Variants in CA10 observed in about 807,000 individuals in gnomAD.
CA10 encodes the protein carbonic anhydrase 10 (inactive), also known as carbonic anhydrase-related protein 10.
A neutral mutation model predicts 44.2 loss-of-function variants in CA10; 14 were observed. That is an observed-to-expected ratio of 0.32 (90% CI 0.21 to 0.50). The LOEUF (loss-of-function observed/expected upper bound fraction) is 0.50, where lower values mean the gene tolerates loss of function less well. Ranked by LOEUF, CA10 falls within the 20% of genes least tolerant of loss-of-function variation. The probability of loss-of-function intolerance (pLI) is 0.99; values close to 1 mark genes in which losing one functional copy is unlikely to be tolerated. For synonymous variants in CA10, 159 were observed against 141.6 expected, an observed-to-expected ratio of 1.12 and a Z score of -0.87; for missense variants, 350 against 409.7, an observed-to-expected ratio of 0.85 and a Z score of 1.26.
At chr17:52,007,800 G>A (rs1444640441) in intron 2 of CA10, among the ~76,000 whole-genome samples, 1 of 151,144 alleles carries the variant, frequency 6.6e-6, no homozygotes, top group East Asian at 1.9e-4. Flanking sequence ...AAACAGTTTG[G>A]ACTATATATG....
intron 2 of CA10, among the ~76,000 whole-genome samples, chr17:52,069,473 AAAC>A (rs1377662094): frequency 6.6e-6 from 1 of 152,206 alleles, no homozygotes. Context: ...TTGAGCAGGT[AAAC>A]AACATCTGTT....
intron 1 of CA10, among the ~76,000 whole-genome samples, chr17:52,099,255 C>T (rs1217635540): frequency 6.6e-6 from 1 of 152,064 alleles, no homozygotes; most frequent in African/African-American, 2.4e-5. Flanking sequence ...AGTAAACTGC[C>T]TGGAGCATAA....
chr17:51,802,277 T>C (rs973136380), intron 3 of CA10, among the ~76,000 whole-genome samples: 8 of 152,188 alleles, frequency 5.3e-5, no homozygotes, highest in Admixed American at 2.0e-4. Flanking sequence ...CTGGTTTCCA[T>C]CCTGGTTCTG....
At chr17:52,053,877 C>T (rs986300743) in intron 2 of CA10, among the ~76,000 whole-genome samples, 1 of 152,110 alleles carries the variant, frequency 6.6e-6, no homozygotes, top group African/African-American at 2.4e-5. Context: ...CTTATCACTT[C>T]CCCAATCAAT....
At chr17:51,901,647 C>G (rs570207053) in intron 3 of CA10, among the ~76,000 whole-genome samples, 3 of 152,050 alleles carry the variant, frequency 2.0e-5, no homozygotes, top group Non-Finnish European at 4.4e-5. Context: ...TTAAAGGACT[C>G]TCAGTCTGGA....
At chr17:51,715,482 T>C (rs1385727216) in intron 4 of CA10, among the ~76,000 whole-genome samples, 2 of 152,112 alleles carry the variant, frequency 1.3e-5, no homozygotes, top group African/African-American at 4.8e-5. Context: ...TTGGGCTACA[T>C]GAGATGTGTT....
At chr17:52,002,281 T>C (rs1985452329) in intron 2 of CA10, among the ~76,000 whole-genome samples, 1 of 151,780 alleles carries the variant, frequency 6.6e-6, no homozygotes, top group Non-Finnish European at 1.5e-5. Context: ...GTTGGCCCAC[T>C]GCAGAGGTAA....
intron 3 of CA10, among the ~76,000 whole-genome samples, chr17:51,849,244 T>C (rs770956493): frequency 0.14 from 17,932 of 127,100 alleles, 2,949 homozygotes; most frequent in African/African-American, 0.38. Context: ...TATATATATA[T>C]ATATATATAT....
chr17:51,657,176 G>A (rs1913827487), intron 4 of CA10, among the ~76,000 whole-genome samples: 1 of 152,182 alleles, frequency 6.6e-6, no homozygotes, highest in African/African-American at 2.4e-5. Context: ...ATTTCCCCAG[G>A]CAACAGAACA....
intron 4 of CA10, among the ~76,000 whole-genome samples, chr17:51,718,586 T>A (rs1167939846): frequency 6.6e-6 from 1 of 152,170 alleles, no homozygotes; most frequent in Non-Finnish European, 1.5e-5. Context: ...AACTGGTAAA[T>A]GTTTCTCTGA....
intron 3 of CA10, among the ~76,000 whole-genome samples, chr17:51,885,214 T>TC (rs942876588): frequency 2.0e-5 from 3 of 152,200 alleles, no homozygotes; most frequent in African/African-American, 7.2e-5. Flanking sequence ...GATTTTTTTT[T>TC]CACTGCTATA....
chr17:51,645,397 A>G (rs887651496), intron 6 of CA10, among the ~76,000 whole-genome samples: 2 of 152,146 alleles, frequency 1.3e-5, no homozygotes, highest in Non-Finnish European at 2.9e-5. Flanking sequence ...TCTGGTGACT[A>G]TATATGTCAG....
intron 3 of CA10, among the ~76,000 whole-genome samples, chr17:51,873,907 G>A (rs535797984): frequency 6.6e-6 from 1 of 152,344 alleles, no homozygotes; most frequent in African/African-American, 2.4e-5. Flanking sequence ...GATAAGCAGT[G>A]TTTGGGAGGA....
At chr17:51,653,114 A>G (rs1303376160) in intron 5 of CA10, among the ~76,000 whole-genome samples, 1 of 152,082 alleles carries the variant, frequency 6.6e-6, no homozygotes, top group Non-Finnish European at 1.5e-5. Context: ...AGTGTGGGTA[A>G]TCTTATTACC....
intron 2 of CA10, among the ~76,000 whole-genome samples, chr17:51,986,662 GA>G: frequency 6.6e-6 from 1 of 151,782 alleles, no homozygotes; most frequent in Non-Finnish European, 1.5e-5. Context: ...AAATTAGCAA[GA>G]AAAAAACAAA....
At position 52,032,985 on chromosome 17, in the gene CA10, C is replaced by T. The variant is rs146359580; in HGVS notation, c.136+39334G>A. Among the ~76,000 whole-genome samples, 355 of 152,180 alleles carry T rather than the reference C, an allele frequency of 2.3e-3. 2 individuals are homozygous for T. Among genetic ancestry groups the T allele is most frequent in the Non-Finnish European group, 3.3e-3 (222 of 68,002 alleles). On this transcript the variant is annotated intron_variant, in intron 2 of 8. Transcript: ENST00000451037. ...AAAGGAGAACCCTAATTGAAGTATA[C>T]GTCAAGGCATGAGTCAAGAGAACTA...
intron 3 of CA10, among the ~76,000 whole-genome samples, chr17:51,882,077 A>G (rs145928660): frequency 2.6e-5 from 4 of 151,984 alleles, no homozygotes; most frequent in East Asian, 1.9e-4. Flanking sequence ...AAAAAAAAAA[A>G]AAAAGAAAAG....
At chr17:51,980,470 G>C (rs28837195) in intron 2 of CA10, among the ~76,000 whole-genome samples, 1 of 151,988 alleles carries the variant, frequency 6.6e-6, no homozygotes. Context: ...CCATTCTGTA[G>C]GTTGTCTATT....
At chr17:52,121,339 T>C (rs760054462) in intron 1 of CA10, among the ~76,000 whole-genome samples, 2 of 152,192 alleles carry the variant, frequency 1.3e-5, no homozygotes, top group Non-Finnish European at 2.9e-5. Flanking sequence ...TCTGCTATTA[T>C]TGGCAAAACT....
Sources: gnomAD v4.1 joint callset for allele counts (sites outside exome capture counted in the v4.1 genomes callset) on GRCh38, gnomAD v4.1.1 for gene constraint, MANE v1.5 for transcripts, NCBI Gene and HGNC (gene_info 2026-07-23, HGNC 2026-07-21) for gene names.